Variants in CSNK1G1 observed in about 807,000 individuals in gnomAD.
CSNK1G1 encodes the protein casein kinase 1 gamma 1, also known as casein kinase I isoform gamma-1.
Under a neutral mutation model 59.6 loss-of-function variants are expected in CSNK1G1, and 22 were observed. That is an observed-to-expected ratio of 0.37 (90% CI 0.26 to 0.53). The LOEUF is 0.53. Among genes scored for constraint, CSNK1G1 ranks in the 20% least tolerant of loss-of-function variants. The pLI is 0.89. For missense variants in CSNK1G1, 384 were observed against 519.5 expected (o/e 0.74, Z 2.54); for synonymous variants, 179 against 177.1 (o/e 1.01, Z -0.08).
intron 10 of CSNK1G1, chr15:64,194,307 C>T (rs2140233868): frequency 6.6e-6 from 1 of 151,822 alleles, no homozygotes; most frequent in East Asian, 1.9e-4. Flanking sequence ...CTAAACAGTA[C>T]TCTGTAAAAA....
intron 4 of CSNK1G1, among the ~76,000 whole-genome samples, chr15:64,245,726 G>A (rs544546727): frequency 2.0e-5 from 3 of 150,864 alleles, no homozygotes; most frequent in East Asian, 1.9e-4. Flanking sequence ...GCAGTATAGC[G>A]AGACCCCGGT....
intron 2 of CSNK1G1, among the ~76,000 whole-genome samples, chr15:64,290,512 A>G (rs755872404): frequency 6.6e-6 from 1 of 152,186 alleles, no homozygotes; most frequent in Non-Finnish European, 1.5e-5. Flanking sequence ...TTTCACTTAT[A>G]AGTGGGAGCT....
At chr15:64,231,990 G>C (rs1435188147) in intron 4 of CSNK1G1, among the ~76,000 whole-genome samples, 1 of 152,164 alleles carries the variant, frequency 6.6e-6, no homozygotes, top group East Asian at 1.9e-4. Context: ...CAGCATAGTG[G>C]TAGCTATAAA....
At position 64,300,594 on chromosome 15, in the gene CSNK1G1, A is replaced by G; in HGVS notation, c.-95T>C. 1 of 1,462,734 alleles carries G rather than the reference A, an allele frequency of 6.8e-7. No homozygotes were observed. Among genetic ancestry groups the G allele is most frequent in the Non-Finnish European group, 9.1e-7 (1 of 1,103,460 alleles). 90.6% of individuals were successfully genotyped at this position (1,462,734 alleles called of 1,614,324 possible). On this transcript the variant is annotated 5_prime_UTR_variant, in exon 2 of 12. The change abolishes the stop of an existing upstream ORF in the 5' untranslated region. Transcript: ENST00000303052. ...AAGTATGTCCAAATAAATTGTAGTCAGAGAAAGGTAAGGAGTTCTTTTAGC... is the reference window on the plus strand; with the variant it reads ...AAGTATGTCCAAATAAATTGTAGTCGGAGAAAGGTAAGGAGTTCTTTTAGC...
chr15:64,298,351 G>T (rs1895137299), intron 2 of CSNK1G1, among the ~76,000 whole-genome samples: 1 of 152,184 alleles, frequency 6.6e-6, no homozygotes, highest in Admixed American at 6.5e-5. Context: ...TTTTATGGAT[G>T]TTTATGTCAT....
At chr15:64,317,897 G>A (rs1274953816) in intron 1 of CSNK1G1, among the ~76,000 whole-genome samples, 2 of 152,084 alleles carry the variant, frequency 1.3e-5, no homozygotes, top group African/African-American at 2.4e-5. Flanking sequence ...AGTTTACCTG[G>A]TAAATAATAC....
chr15:64,299,187 T>G (rs1175103931), intron 2 of CSNK1G1, among the ~76,000 whole-genome samples: 1 of 152,122 alleles, frequency 6.6e-6, no homozygotes, highest in South Asian at 2.1e-4. Flanking sequence ...AGAAAACACT[T>G]TAGCCTAAAA....
chr15:64,309,066 C>T (rs140340248), intron 1 of CSNK1G1, among the ~76,000 whole-genome samples: 9 of 152,210 alleles, frequency 5.9e-5, no homozygotes, highest in African/African-American at 2.2e-4. Flanking sequence ...TTTATCTCTG[C>T]TCTTCATTAT....
chr15:64,327,135 A>C (rs1333876999), intron 1 of CSNK1G1, among the ~76,000 whole-genome samples: 1 of 152,216 alleles, frequency 6.6e-6, no homozygotes, highest in Non-Finnish European at 1.5e-5. Flanking sequence ...TTAGGTAAAC[A>C]AAGCAGCCGG....
At chr15:64,257,857 T>C (rs553296600) in intron 3 of CSNK1G1, among the ~76,000 whole-genome samples, 1 of 152,282 alleles carries the variant, frequency 6.6e-6, no homozygotes, top group South Asian at 2.1e-4. Context: ...TAAGAGGATA[T>C]TTGACCTGCA....
chr15:64,246,180 G>A (rs543134730), intron 4 of CSNK1G1, among the ~76,000 whole-genome samples: 3 of 152,158 alleles, frequency 2.0e-5, no homozygotes, highest in Admixed American at 1.3e-4. Context: ...AGATATGCAT[G>A]TATCAAAATA....
intron 4 of CSNK1G1, among the ~76,000 whole-genome samples, chr15:64,232,168 G>C (rs560693803): frequency 7.7e-4 from 118 of 152,310 alleles, no homozygotes; most frequent in Non-Finnish European, 1.6e-3. Flanking sequence ...CAAGAATGCA[G>C]AATCGTGCAG....
At chr15:64,301,117 T>C (rs1491000377) in intron 1 of CSNK1G1, among the ~76,000 whole-genome samples, 2 of 152,204 alleles carry the variant, frequency 1.3e-5, no homozygotes, top group Non-Finnish European at 2.9e-5. Context: ...CCAAAACTTA[T>C]AAGAAATTAG....
chr15:64,224,098 T>C (rs1428182899), intron 4 of CSNK1G1, among the ~76,000 whole-genome samples: 1 of 152,230 alleles, frequency 6.6e-6, no homozygotes, highest in Non-Finnish European at 1.5e-5. Flanking sequence ...TCATTCTTTT[T>C]TAAAAACTAA....
chr15:64,329,665 A>C (rs2140455072), intron 1 of CSNK1G1, among the ~76,000 whole-genome samples: 1 of 81,450 alleles, frequency 1.2e-5, no homozygotes, highest in South Asian at 4.9e-4. Flanking sequence ...GGCAAGAAAT[A>C]ACTAAAATCA....
At chr15:64,248,371 T>A (rs1243965868) in intron 4 of CSNK1G1, among the ~76,000 whole-genome samples, 1 of 152,238 alleles carries the variant, frequency 6.6e-6, no homozygotes, top group African/African-American at 2.4e-5. Context: ...AATATTTTTA[T>A]TAATAACATT....
chr15:64,338,847 G>A (rs1468916006), intron 1 of CSNK1G1, among the ~76,000 whole-genome samples: 12 of 151,418 alleles, frequency 7.9e-5, no homozygotes, highest in Non-Finnish European at 5.9e-5. Flanking sequence ...GTGAAACCCC[G>A]TCTCTACTAA....
chr15:64,334,742 G>A (rs1897294589), intron 1 of CSNK1G1, among the ~76,000 whole-genome samples: 1 of 152,136 alleles, frequency 6.6e-6, no homozygotes. Context: ...TGCAAGTGAT[G>A]GGGAGTGGCT....
At chr15:64,313,980 C>T (rs1196152533) in intron 1 of CSNK1G1, among the ~76,000 whole-genome samples, 2 of 152,020 alleles carry the variant, frequency 1.3e-5, no homozygotes, top group Non-Finnish European at 2.9e-5. Context: ...AGCTCCTCTG[C>T]TCACAGAACT....
Sources: gnomAD v4.1 joint callset for allele counts (sites outside exome capture counted in the v4.1 genomes callset) on GRCh38, gnomAD v4.1.1 for gene constraint, MANE v1.5 for transcripts, NCBI Gene and HGNC (gene_info 2026-07-23, HGNC 2026-07-21) for gene names.